The following MEMO1 variants were observed in gnomAD, a reference collection of about 807,000 sequenced individuals.
MEMO1 encodes mediator of cell motility 1, also known as protein MEMO1.
A neutral mutation model predicts 45.2 loss-of-function variants in MEMO1; 6 were observed. That is an observed-to-expected ratio of 0.13 (90% CI 0.07 to 0.26). MEMO1 has a LOEUF of 0.26. Ranked by LOEUF, MEMO1 falls within the 10% of genes least tolerant of loss-of-function variation. The pLI is 1.00. For missense variants in MEMO1, 184 were observed against 370.5 expected (o/e 0.50, Z 4.13); for synonymous variants, 78 against 124.3 (o/e 0.63, Z 2.48).
chr2:31,920,516 G>T (rs562852497), intron 5 of MEMO1, among the ~76,000 whole-genome samples: 170 of 152,068 alleles, frequency 1.1e-3, no homozygotes, highest in Non-Finnish European at 1.6e-3. Context: ...TTTGTCTCCT[G>T]GTACACTGAG....
intron 2 of MEMO1, among the ~76,000 whole-genome samples, chr2:31,943,643 A>C (rs1242770252): frequency 2.6e-5 from 4 of 152,220 alleles, no homozygotes; most frequent in Non-Finnish European, 5.9e-5. Context: ...AGAGCAACAC[A>C]ATGTGATTTA....
At chr2:31,933,317 T>TAAAAAAAAAAAAAAA (rs34487390) in intron 3 of MEMO1, among the ~76,000 whole-genome samples, 1 of 24,110 alleles carries the variant, frequency 4.1e-5, no homozygotes, top group African/African-American at 1.8e-4. Flanking sequence ...ACCACCTCTT[T>TAAAAAAAAAAAAAAA]AAAAAAAAAA....
At chr2:31,992,825 T>C (rs1036905602) in intron 2 of MEMO1, among the ~76,000 whole-genome samples, 3 of 151,798 alleles carry the variant, frequency 2.0e-5, no homozygotes, top group African/African-American at 7.3e-5. Context: ...ATAAGGAGCA[T>C]TTATAGAGAA....
chr2:31,890,320 C>A (rs1428180878), intron 7 of MEMO1, among the ~76,000 whole-genome samples: 1 of 152,090 alleles, frequency 6.6e-6, no homozygotes, highest in African/African-American at 2.4e-5. Context: ...AGGTGTGGGA[C>A]ACTTGCTTCA....
At chr2:31,895,497 G>C (rs1677633387) in intron 6 of MEMO1, among the ~76,000 whole-genome samples, 1 of 152,124 alleles carries the variant, frequency 6.6e-6, no homozygotes, top group Non-Finnish European at 1.5e-5. Flanking sequence ...ATTCAAATGA[G>C]TTCACCAGAT....
At chr2:31,948,737 A>T (rs1398389423) in intron 2 of MEMO1, among the ~76,000 whole-genome samples, 1 of 152,236 alleles carries the variant, frequency 6.6e-6, no homozygotes, top group Admixed American at 6.5e-5. Flanking sequence ...CGTCTCTACT[A>T]AAAATACAAA....
At chr2:31,971,244 G>A (rs1031993976) in intron 2 of MEMO1, among the ~76,000 whole-genome samples, 1 of 152,052 alleles carries the variant, frequency 6.6e-6, no homozygotes, top group African/African-American at 2.4e-5. Context: ...CCAGAAAAAT[G>A]TAAGCATAAA....
At chr2:31,978,872 T>C (rs1670314489) in intron 2 of MEMO1, among the ~76,000 whole-genome samples, 1 of 152,164 alleles carries the variant, frequency 6.6e-6, no homozygotes, top group South Asian at 2.1e-4. Context: ...ACACATTAGG[T>C]ATGTCTCAAA....
chr2:31,932,346 C>T (rs76862178), intron 3 of MEMO1, among the ~76,000 whole-genome samples: 444 of 152,054 alleles, frequency 2.9e-3, no homozygotes, highest in Non-Finnish European at 4.6e-3. Context: ...TTTAAAAATA[C>T]TTTGTAATTT....
chr2:31,901,374 CAAAAAA>C (rs70964738), intron 6 of MEMO1, among the ~76,000 whole-genome samples: 1 of 22,688 alleles, frequency 4.4e-5, no homozygotes, highest in African/African-American at 1.3e-4. Flanking sequence ...CTCTGTCTCA[CAAAAAA>C]AAAAAAAAAA....
At chr2:31,955,201 A>T (rs1667275241) in intron 2 of MEMO1, among the ~76,000 whole-genome samples, 1 of 152,058 alleles carries the variant, frequency 6.6e-6, no homozygotes. Context: ...CTCAAAAAAA[A>T]AAACAAAAAA....
chr2:31,923,439 C>T lies in MEMO1; in HGVS notation c.213-2529G>A, dbSNP rs1033633839. 11 of 438,580 alleles carry T rather than the reference C, an allele frequency of 2.5e-5. 1 individual carries two copies. The South Asian group carries it at 4.3e-4, about 17-fold the overall frequency. The allele number at this position is 438,580 out of a possible 1,614,324, so 27.2% of individuals were successfully genotyped here. ...CTTGTCATCACCTCTATCATCAATT[C>T]GAGAACCATTTCAAAAAAAAAGTCA... On this transcript the variant is annotated intron_variant, in intron 4 of 9. Coordinates refer to ENST00000404530, the MANE Select transcript of MEMO1 (RefSeq NM_001301833.4).
intron 7 of MEMO1, 122 bp from the exon 8 acceptor site, chr2:31,883,584 G>A (rs936555916): frequency 1.5e-6 from 1 of 655,354 alleles, no homozygotes. Flanking sequence ...GCCTCTGAGA[G>A]AATCATTCCC....
chr2:31,980,124 A>G (rs957689541), intron 2 of MEMO1, among the ~76,000 whole-genome samples: 6 of 152,202 alleles, frequency 3.9e-5, no homozygotes, highest in Non-Finnish European at 4.4e-5. Flanking sequence ...CCAAAGTTAC[A>G]TTAGCAAGGA....
At chr2:31,871,496 T>C (rs1428421742) in intron 8 of MEMO1, among the ~76,000 whole-genome samples, 3 of 25,456 alleles carry the variant, frequency 1.2e-4, no homozygotes, top group African/African-American at 3.1e-4. Context: ...ATATTCCATA[T>C]ATACACACAC....
intron 2 of MEMO1, among the ~76,000 whole-genome samples, chr2:31,998,701 G>A (rs568494788): frequency 5.5e-4 from 83 of 152,026 alleles, no homozygotes; most frequent in Middle Eastern, 6.8e-3. Context: ...TCGGGAGGCT[G>A]AGACAGGAGA....
chr2:31,926,825 G>A (rs1056582530), intron 4 of MEMO1, among the ~76,000 whole-genome samples: 6 of 151,114 alleles, frequency 4.0e-5, no homozygotes, highest in African/African-American at 1.5e-4. Flanking sequence ...CCAGCTGGGC[G>A]ACAAGCACGA....
intron 2 of MEMO1, among the ~76,000 whole-genome samples, chr2:31,993,591 C>G (rs1399508186): frequency 6.6e-6 from 1 of 152,166 alleles, no homozygotes; most frequent in African/African-American, 2.4e-5. Context: ...ACAAAGAACT[C>G]TGGAAATCTG....
chr2:31,961,502 C>T (rs1172860929), intron 2 of MEMO1, among the ~76,000 whole-genome samples: 1 of 152,048 alleles, frequency 6.6e-6, no homozygotes. Context: ...GTGGCTCACG[C>T]CTATAATCCC....
Sources: allele counts gnomAD v4.1 joint callset (sites outside exome capture counted in the v4.1 genomes callset), GRCh38; gene constraint gnomAD v4.1.1; transcripts MANE v1.5; gene names NCBI Gene and HGNC (gene_info 2026-07-23, HGNC 2026-07-21).